ASS1: variants seen among roughly 807,000 people sequenced by gnomAD.
The protein encoded by ASS1 is argininosuccinate synthase 1, also known as argininosuccinate synthase.
ASS1 carries 58 observed loss-of-function variants against 60.5 expected under a neutral mutation model. That is an observed-to-expected ratio of 0.96 (90% CI 0.78 to 1.19). The LOEUF is 1.19. ASS1 is among the 50% of genes most tolerant of loss of function. The pLI, the probability that ASS1 is intolerant of heterozygous loss-of-function variation, is 0.00. For missense variants in ASS1, 454 were observed against 547.3 expected (o/e 0.83, Z 1.70); for synonymous variants, 200 against 206.9 (o/e 0.97, Z 0.29).
At chr9:130,464,497 A>G (rs1033445843) in intron 5 of ASS1, among the ~76,000 whole-genome samples, 9 of 152,030 alleles carry the variant, frequency 5.9e-5, no homozygotes, top group Non-Finnish European at 1.5e-5. Flanking sequence ...GCGGGCAGGG[A>G]TGGCTCTGGC....
chr9:130,492,114 C>G (rs184253684), intron 12 of ASS1, among the ~76,000 whole-genome samples: 1 of 152,186 alleles, frequency 6.6e-6, no homozygotes, highest in South Asian at 2.1e-4. Context: ...GTCTGGCAGA[C>G]GAGTGCTTAT....
chr9:130,455,107 A>T (rs989630233), intron 3 of ASS1, among the ~76,000 whole-genome samples: 12 of 149,390 alleles, frequency 8.0e-5, no homozygotes, highest in African/African-American at 2.5e-4. Flanking sequence ...TCATCCGTCT[A>T]TCCATCCATC....
rs1217484015 is a variant in ASS1, at chr9:130,491,034, C to T, written c.970+1570C>T. On this transcript the variant is annotated intron_variant, in intron 12 of 14. Transcript: ENST00000352480. The surrounding 1 kb of genome is among the most constrained non-coding windows in gnomAD (Gnocchi z 5.3). The stretch of plus-strand genomic sequence containing the variant: ...GCTAAGCTCTCCTCCCCTCGCCTCT[C>T]CCCCTCCACTCCCAGATTTTGTTTC... Among the ~76,000 whole-genome samples the T allele has an allele frequency of 1.3e-5, 2 of 152,142 alleles. No homozygotes were observed. Among genetic ancestry groups the T allele is most frequent in the Non-Finnish European group, 2.9e-5 (2 of 68,032 alleles).
chr9:130,451,184 A>T (rs1242126194), intron 1 of ASS1, among the ~76,000 whole-genome samples: 1 of 152,140 alleles, frequency 6.6e-6, no homozygotes, highest in African/African-American at 2.4e-5. Flanking sequence ...GCCCTCGGGG[A>T]AGAAGCATGG....
chr9:130,500,447 G>C (rs1846721983), intron 14 of ASS1, among the ~76,000 whole-genome samples: 1 of 152,136 alleles, frequency 6.6e-6, no homozygotes, highest in Admixed American at 6.5e-5. Context: ...CATGGGGATT[G>C]GAGTCTAGAA....
At chr9:130,499,198 T>C (rs1049391208) in intron 13 of ASS1, among the ~76,000 whole-genome samples, 3 of 152,188 alleles carry the variant, frequency 2.0e-5, no homozygotes, top group African/African-American at 7.2e-5. Context: ...GTGCTCTGGT[T>C]GGTGGAATTC....
At chr9:130,460,382 T>C (rs1471289195) in intron 4 of ASS1, among the ~76,000 whole-genome samples, 5 of 152,216 alleles carry the variant, frequency 3.3e-5, no homozygotes, top group Non-Finnish European at 5.9e-5. Flanking sequence ...CTTGCTGGCA[T>C]TGGCACAGTG....
rs1846351591 is a variant in ASS1 at position 130,488,073 on chromosome 9, G to T, written c.839-1260G>T. 6.6e-6 allele frequency among the ~76,000 whole-genome samples: 1 copy of T among 152,170 alleles called. No homozygotes were observed. Among genetic ancestry groups the T allele is most frequent in the African/African-American group, 2.4e-5 (1 of 41,436 alleles). ...GTGCCCGGCCCCCTTCCTTCTTAAGGCTGAATAATATTCCATCGTATGGAT... is the reference window on the plus strand; with the variant it reads ...GTGCCCGGCCCCCTTCCTTCTTAAGTCTGAATAATATTCCATCGTATGGAT... On this transcript the variant is annotated intron_variant, in intron 11 of 14. Transcript: ENST00000352480. The surrounding 1 kb of genome is among the most constrained non-coding windows in gnomAD (Gnocchi z 5.2).
intron 13 of ASS1, among the ~76,000 whole-genome samples, chr9:130,498,469 C>T (rs1388398885): frequency 2.0e-5 from 3 of 152,206 alleles, no homozygotes; most frequent in Non-Finnish European, 2.9e-5. Context: ...TTGATTGCTT[C>T]GGTCTGGCCC....
At chr9:130,461,914 G>C (rs547510123) in intron 4 of ASS1, among the ~76,000 whole-genome samples, 1 of 152,306 alleles carries the variant, frequency 6.6e-6, no homozygotes, top group East Asian at 1.9e-4. Flanking sequence ...GAAATGTTGG[G>C]GGGACAACGG....
At chr9:130,456,251 A>C (rs180764281) in intron 3 of ASS1, among the ~76,000 whole-genome samples, 55 of 152,310 alleles carry the variant, frequency 3.6e-4, no homozygotes, top group Middle Eastern at 3.4e-3. Flanking sequence ...AGATCACCTG[A>C]GGTCAGGAGT....
intron 10 of ASS1, 47 bp from the exon 11 acceptor site, chr9:130,480,338 G>A (rs1846136946): frequency 6.2e-7 from 1 of 1,611,916 alleles, no homozygotes; most frequent in East Asian, 2.2e-5. Context: ...GGGTGACTCT[G>A]AGCCTTGCGG....
rs557798256 is a variant in ASS1, at chr9:130,472,205, C to G, written c.597+690C>G. The stretch of plus-strand genomic sequence containing the variant: ...GGCCCAGCCCCACACCCCGGGGAGG[C>G]TGGTTTGGAGGCGGGAAAAGTGTGC... On this transcript the variant is annotated intron_variant, in intron 8 of 14. Coordinates refer to ENST00000352480, the MANE Select transcript of ASS1 (RefSeq NM_054012.4). Among the ~76,000 whole-genome samples the G allele has an allele frequency of 2.6e-5, 4 of 152,214 alleles. No homozygotes were observed. The South Asian group carries it at 6.2e-4, about 24-fold the overall frequency.
intron 6 of ASS1, among the ~76,000 whole-genome samples, chr9:130,467,013 C>T (rs1194823372): frequency 6.6e-6 from 1 of 152,224 alleles, no homozygotes; most frequent in Non-Finnish European, 1.5e-5. Flanking sequence ...GTTGCCAGGG[C>T]GGAGCCGCTC....
intron 13 of ASS1, among the ~76,000 whole-genome samples, chr9:130,496,617 A>G (rs1490672623): frequency 6.7e-6 from 1 of 148,350 alleles, no homozygotes; most frequent in African/African-American, 2.5e-5. Flanking sequence ...AAAAAAAAAA[A>G]GGAAACACAA....
At position 130,458,546 on chromosome 9, in the gene ASS1, A is replaced by G. The variant is rs149602848; in HGVS notation, c.320A>G (p.Gln107Arg). Residue 107 changes from glutamine to arginine, a missense_variant, in exon 4 of 15, where the codon CAG (glutamine) becomes CGG (arginine). Transcript: ENST00000352480. ...CIARKQVEIA[Q>R]REGAKYVSHG... ...GCCCGCAAACAAGTGGAAATCGCCC[A>G]GCGGGAGGGGGCCAAGTATGTGTCC... is the stretch of plus-strand genomic sequence containing the variant. The G allele has an allele frequency of 9.9e-6, 16 of 1,613,258 alleles. No individual in the cohort carries two copies. In the African/African-American group the frequency reaches 1.9e-4, roughly 19 times the overall value.
chr9:130,452,111 G>A, intron 1 of ASS1, 113 bp from the exon 2 acceptor site: 1 of 897,508 alleles, frequency 1.1e-6, no homozygotes, highest in Non-Finnish European at 1.8e-6. Context: ...GTGGCAGCTT[G>A]CCCAGGAGAC....
chr9:130,495,238 G>T (rs1846555434), intron 13 of ASS1, among the ~76,000 whole-genome samples: 1 of 152,110 alleles, frequency 6.6e-6, no homozygotes, highest in African/African-American at 2.4e-5. Flanking sequence ...TGTAGAATTA[G>T]ACAAGGTGGC....
In ASS1 at chr9:130,479,823, G is replaced by T. The variant is rs146390729; in HGVS notation, c.773+23G>T. On this transcript the variant is annotated intron_variant, in intron 10 of 14. Coordinates refer to ENST00000352480, the MANE Select transcript of ASS1 (RefSeq NM_054012.4). ...CGCGTGAGTGTCTGCAGCCCTGTCC[G>T]GCCTCTTGGGAACCGCCGTCTCGGG... 5.0e-4 allele frequency: 806 copies of T among 1,607,656 alleles called. 2 individuals carry two copies. In the African/African-American group the frequency reaches 0.01, roughly 20 times the overall value.
Sources: allele counts gnomAD v4.1 joint callset (sites outside exome capture counted in the v4.1 genomes callset), GRCh38; gene constraint gnomAD v4.1.1; non-coding constraint Gnocchi (gnomAD v3.1); transcripts MANE v1.5; gene names NCBI Gene and HGNC (gene_info 2026-07-23, HGNC 2026-07-21).